SETX: variants seen among roughly 807,000 people sequenced by gnomAD.
SETX encodes helicase senataxin.
SETX carries 90 observed loss-of-function variants against 227.2 expected under a neutral mutation model. The observed-to-expected ratio is 0.40, with a 90% CI of 0.33 to 0.47. The LOEUF (loss-of-function observed/expected upper bound fraction) is 0.47, where lower values mean the gene tolerates loss of function less well. SETX is among the 20% of genes least tolerant of loss of function. The pLI is 0.91. For synonymous variants in SETX, 1,210 were observed against 1,113.2 expected (o/e 1.09, Z -1.73); for missense variants, 3,052 against 3,181.5 (o/e 0.96, Z 0.98).
chr9:132,300,576 T>A, intron 12 of SETX, 54 bp downstream of exon 12: 2 of 1,557,298 alleles, frequency 1.3e-6, no homozygotes, highest in Non-Finnish European at 1.8e-6. Context: ...AGAAGTAGAT[T>A]ATTAGATGAG....
intron 3 of SETX, among the ~76,000 whole-genome samples, chr9:132,348,319 C>T (rs560018717): frequency 6.8e-5 from 10 of 147,908 alleles, no homozygotes; most frequent in Middle Eastern, 3.4e-3. Flanking sequence ...GCCAAGATCA[C>T]GCCACTGCAC....
intron 11 of SETX, among the ~76,000 whole-genome samples, chr9:132,308,704 T>C (rs1353777779): frequency 6.6e-6 from 1 of 152,108 alleles, no homozygotes; most frequent in Non-Finnish European, 1.5e-5. Flanking sequence ...TGAGAAAAAT[T>C]TAACCTAAAT....
intron 2 of SETX, among the ~76,000 whole-genome samples, chr9:132,352,415 C>A (rs181024509): frequency 3.3e-5 from 5 of 152,336 alleles, no homozygotes; most frequent in Non-Finnish European, 7.4e-5. Flanking sequence ...ACTGCTTCAA[C>A]TACTGCCTAG....
intron 11 of SETX, among the ~76,000 whole-genome samples, chr9:132,308,220 C>T (rs913150422): frequency 2.6e-5 from 4 of 152,190 alleles, no homozygotes; most frequent in African/African-American, 9.7e-5. Context: ...GTACCTGCTG[C>T]TGCTGATGGA....
intron 12 of SETX, among the ~76,000 whole-genome samples, chr9:132,299,006 C>G (rs768006203): frequency 6.6e-6 from 1 of 152,088 alleles, no homozygotes; most frequent in Admixed American, 6.6e-5. Flanking sequence ...AACAAAAAGA[C>G]CACTTACAAG....
intron 25 of SETX, among the ~76,000 whole-genome samples, chr9:132,265,468 G>A (rs58496159): frequency 5.3e-5 from 8 of 151,952 alleles, no homozygotes; most frequent in East Asian, 1.9e-4. Flanking sequence ...CTCATGATCC[G>A]CCCGCCTCAG....
rs1027372414 is a variant in SETX, at chr9:132,264,164, T to A, written c.*75A>T. On this transcript the variant is annotated 3_prime_UTR_variant, in exon 26 of 26. Coordinates refer to ENST00000224140, the MANE Select transcript of SETX (RefSeq NM_015046.7). ...AAACTCCTTACAAAAAACAAGCTTA[T>A]CTAGATGGTCCCACGAGCTGGTCAT... 3.1e-6 allele frequency: 5 copies of A among 1,602,134 alleles called. No individual in the cohort carries two copies. In the African/African-American group the frequency reaches 6.7e-5, roughly 21 times the overall value.
chr9:132,262,315 G>A lies in SETX; in HGVS notation c.*1924C>T, dbSNP rs943996268. 2 of 152,172 alleles carry A rather than the reference G, an allele frequency of 1.3e-5. No homozygotes were observed. The highest frequency in any genetic ancestry group is 2.4e-5 in the African/African-American group (1 of 41,432). The allele number at this position is 152,172 out of a possible 1,614,324, so 9.4% of individuals were successfully genotyped here. A position where few individuals can be genotyped will look rare whatever the true frequency, so the allele number is the denominator to read the frequency against. On this transcript the variant is annotated 3_prime_UTR_variant, in exon 26 of 26. Transcript: ENST00000224140. ...GCGTGAGAGACATCCTGACCCCAAC[G>A]TTTTTGCCATGCCTCCCTTTAGAAG...
intron 4 of SETX, among the ~76,000 whole-genome samples, chr9:132,344,473 T>C (rs1450201782): frequency 6.6e-6 from 1 of 152,182 alleles, no homozygotes; most frequent in Non-Finnish European, 1.5e-5. Flanking sequence ...GGAAGAACTA[T>C]GTACCAAATG....
chr9:132,333,046 G>A (rs1246279394), intron 7 of SETX, among the ~76,000 whole-genome samples: 1 of 151,802 alleles, frequency 6.6e-6, no homozygotes, highest in Non-Finnish European at 1.5e-5. Flanking sequence ...GTAAATGTTG[G>A]CAAAAGAGTA....
At chr9:132,300,242 C>T (rs773251658) in intron 12 of SETX, among the ~76,000 whole-genome samples, 2 of 150,696 alleles carry the variant, frequency 1.3e-5, no homozygotes, top group Non-Finnish European at 1.5e-5. Context: ...AAACATACAA[C>T]GGATGGAAGT....
At chr9:132,311,996 G>C (rs1845695900) in intron 10 of SETX, 140 bp from the exon 11 acceptor site, 2 of 704,390 alleles carry the variant, frequency 2.8e-6, no homozygotes, top group African/African-American at 1.8e-5. Context: ...ATTCACGGCA[G>C]GTTAATACAA....
At chr9:132,294,905 T>A (rs1354864452) in intron 15 of SETX, among the ~76,000 whole-genome samples, 6 of 152,124 alleles carry the variant, frequency 3.9e-5, no homozygotes, top group South Asian at 2.1e-4. Flanking sequence ...TTTTGATTTT[T>A]AAAAAAAAGA....
At chr9:132,331,200 CCT>C (rs1239482429) in intron 8 of SETX, 61 bp from the exon 9 acceptor site, 1 of 1,606,732 alleles carries the variant, frequency 6.2e-7, no homozygotes, top group Non-Finnish European at 8.5e-7. Flanking sequence ...GGAAGAAACA[CCT>C]CTTGTTAAGT....
intron 5 of SETX, among the ~76,000 whole-genome samples, chr9:132,341,523 A>G (rs1488659524): frequency 6.6e-6 from 1 of 152,154 alleles, no homozygotes. Flanking sequence ...CTCCAGAACT[A>G]GGTCTACTAT....
At chr9:132,284,689 C>T (rs537991848) in intron 18 of SETX, among the ~76,000 whole-genome samples, 1 of 152,166 alleles carries the variant, frequency 6.6e-6, no homozygotes. Flanking sequence ...TATGCTCTAA[C>T]CCAAGAATTG....
chr9:132,285,485 G>A (rs892288571), intron 18 of SETX, among the ~76,000 whole-genome samples: 4 of 152,204 alleles, frequency 2.6e-5, no homozygotes, highest in African/African-American at 9.6e-5. Flanking sequence ...GGTGGCTCAC[G>A]CCTGTAATGC....
chr9:132,309,720 C>T (rs757947910), intron 11 of SETX, among the ~76,000 whole-genome samples: 69 of 151,754 alleles, frequency 4.5e-4, no homozygotes, highest in Admixed American at 1.9e-3. Flanking sequence ...AAAAATGTAC[C>T]CTAGGGCAAT....
chr9:132,336,661 T>C, intron 5 of SETX, 146 bp from the exon 6 acceptor site: 1 of 692,678 alleles, frequency 1.4e-6, no homozygotes, highest in Non-Finnish European at 2.6e-6. Flanking sequence ...TATTTGATCC[T>C]GATTTGAACA....
Sources: gnomAD v4.1 joint callset for allele counts (sites outside exome capture counted in the v4.1 genomes callset) on GRCh38, gnomAD v4.1.1 for gene constraint, MANE v1.5 for transcripts, NCBI Gene and HGNC (gene_info 2026-07-23, HGNC 2026-07-21) for gene names.